The following PTBP3 variants were observed in gnomAD, a reference collection of about 807,000 sequenced individuals.
The protein encoded by PTBP3 is polypyrimidine tract binding protein 3.
PTBP3 carries 20 observed loss-of-function variants against 58.7 expected under a neutral mutation model. The observed-to-expected ratio is 0.34, with a 90% CI of 0.24 to 0.50. The LOEUF is 0.50. Ranked by LOEUF, PTBP3 falls within the 20% of genes least tolerant of loss-of-function variation. PTBP3 has a pLI of 0.98. For synonymous variants in PTBP3, 185 were observed against 219.8 expected (o/e 0.84, Z 1.40); for missense variants, 509 against 637.2 (o/e 0.80, Z 2.17).
chr9:112,267,854 A>G (rs1827165083), intron 4 of PTBP3, among the ~76,000 whole-genome samples, 195 bp downstream of exon 4: 1 of 152,206 alleles, frequency 6.6e-6, no homozygotes, highest in African/African-American at 2.4e-5. Context: ...TCAAGAGAAA[A>G]AATTAACTTC....
chr9:112,222,155 A>G lies in PTBP3; in HGVS notation c.*1696T>C. The G allele has an allele frequency of 1.0e-6, 1 of 985,830 alleles. No homozygotes were observed. The highest frequency in any genetic ancestry group is 1.2e-6 in the Non-Finnish European group (1 of 829,864). 61.1% of individuals were successfully genotyped at this position (985,830 alleles called of 1,614,324 possible). On this transcript the variant is annotated 3_prime_UTR_variant, in exon 14 of 14. Coordinates refer to ENST00000374257, the MANE Select transcript of PTBP3 (RefSeq NM_001163788.4). ...AGATGAGACACTTTGAGAATCTGAA[A>G]AGTGTAAAAGGGGTAGACAAAAAAA...
intron 1 of PTBP3, among the ~76,000 whole-genome samples, chr9:112,314,643 C>T (rs551117671): frequency 2.6e-5 from 4 of 152,088 alleles, no homozygotes; most frequent in Admixed American, 1.3e-4. Context: ...GGCTAGAGAG[C>T]GAGACCCTGT....
Position 112,220,692 on chromosome 9 carries a change from T to C in PTBP3, c.*3159A>G, listed in dbSNP as rs1834776521. 1.0e-6 allele frequency: 1 copy of C among 986,332 alleles called. No homozygotes were observed. The highest frequency in any genetic ancestry group is 1.2e-6 in the Non-Finnish European group (1 of 830,232). 61.1% of individuals were successfully genotyped at this position (986,332 alleles called of 1,614,324 possible). On this transcript the variant is annotated 3_prime_UTR_variant, in exon 14 of 14. Transcript: ENST00000374257. ...CAATTAAGATACTGGGTCATTTTTC[T>C]ATTTGTATGTTACACAAAACACATT...
chr9:112,345,379 A>AT, the PTBP3 span, among the ~76,000 whole-genome samples: 3 of 80,996 alleles, frequency 3.7e-5, no homozygotes, highest in South Asian at 6.1e-4. Context: ...AAGGAAAAAA[A>AT]ATTTTTTTTT....
At chr9:112,340,697 T>C in the PTBP3 span, among the ~76,000 whole-genome samples, 2 of 151,820 alleles carry the variant, frequency 1.3e-5, no homozygotes, top group Non-Finnish European at 2.9e-5. Context: ...AGCCTCAACA[T>C]GGAGAAACCC....
chr9:112,254,404 A>G (rs1836264110), intron 5 of PTBP3, among the ~76,000 whole-genome samples: 1 of 152,234 alleles, frequency 6.6e-6, no homozygotes, highest in African/African-American at 2.4e-5. Flanking sequence ...TGAAAAATAG[A>G]TAAACTGGAC....
At position 112,332,780 on chromosome 9, in the gene PTBP3, A is replaced by G. The variant is rs571681737; in HGVS notation, c.-52+690T>C. On this transcript the variant is annotated intron_variant, in intron 1 of 13. Coordinates refer to ENST00000374257, the MANE Select transcript of PTBP3 (RefSeq NM_001163788.4). The stretch of plus-strand genomic sequence containing the variant: ...AAATCGCTCGTACATCATATTTTAC[A>G]TACACGGGCAGATAATTCATTAAGT... The G allele has an allele frequency of 2.5e-5, 41 of 1,612,548 alleles. No individual in the cohort carries two copies. In the East Asian group the frequency reaches 8.2e-4, roughly 32 times the overall value.
chr9:112,220,211 G>A lies in PTBP3; in HGVS notation c.*3640C>T. ...AAAAATATCTCGTGGGAACAGAAGA[G>A]AAACTGCATGACAATATGCTAAACA... is the stretch of plus-strand genomic sequence containing the variant. On this transcript the variant is annotated 3_prime_UTR_variant, in exon 14 of 14. Transcript: ENST00000374257. 1 of 1,347,116 alleles carries A rather than the reference G, an allele frequency of 7.4e-7. No individual in the cohort carries two copies. Among genetic ancestry groups the A allele is most frequent in the Non-Finnish European group, 9.8e-7 (1 of 1,019,706 alleles). The allele number at this position is 1,347,116 out of a possible 1,614,324, so 83.4% of individuals were successfully genotyped here. A position where few individuals can be genotyped will look rare whatever the true frequency, so the allele number is the denominator to read the frequency against.
In PTBP3 at chr9:112,227,560, T is replaced by C. The variant is rs150766186; in HGVS notation, c.1215A>G (p.Gln405=). ...GTCCCTCTCGAGGAAGCTGTACTGC[T>C]TGATGTTTGGACAGTGTAGCACGAA... ...KVLRATLSKH[Q]AVQLPREGQE... Residue 405 remains glutamine (Q), a synonymous_variant, in exon 12 of 14, where the codon CAA becomes CAG. Coordinates refer to ENST00000374257, the MANE Select transcript of PTBP3 (RefSeq NM_001163788.4). The C allele has an allele frequency of 6.2e-7, 1 of 1,613,882 alleles. No individual in the cohort carries two copies. Among genetic ancestry groups the C allele is most frequent in the African/African-American group, 1.3e-5 (1 of 74,900 alleles).
chr9:112,275,815 C>G, intron 3 of PTBP3, 29 bp downstream of exon 3: 2 of 1,552,972 alleles, frequency 1.3e-6, no homozygotes, highest in Non-Finnish European at 1.8e-6. Context: ...GAGATAATCA[C>G]TCTTTGTCAA....
At chr9:112,266,569 A>T (rs1041161024) in intron 4 of PTBP3, among the ~76,000 whole-genome samples, 10 of 152,350 alleles carry the variant, frequency 6.6e-5, no homozygotes, top group Non-Finnish European at 1.2e-4. Context: ...TGGAATATAC[A>T]CTGGAAACAA....
chr9:112,315,298 A>C (rs932058473), intron 1 of PTBP3, among the ~76,000 whole-genome samples: 2 of 142,196 alleles, frequency 1.4e-5, no homozygotes, highest in Non-Finnish European at 3.0e-5. Context: ...AGTAAGCTTT[A>C]AAAAAAAAAA....
chr9:112,242,168 C>T (rs974414457), intron 7 of PTBP3, among the ~76,000 whole-genome samples: 6 of 151,982 alleles, frequency 3.9e-5, no homozygotes, highest in Non-Finnish European at 8.8e-5. Flanking sequence ...GACTGTGTTG[C>T]CCGAAATGGA....
chr9:112,227,966 T>C (rs1835055563), intron 11 of PTBP3, among the ~76,000 whole-genome samples: 1 of 152,214 alleles, frequency 6.6e-6, no homozygotes, highest in African/African-American at 2.4e-5. Flanking sequence ...TTTTGAGTAA[T>C]ACTTTACAGC....
the PTBP3 span, among the ~76,000 whole-genome samples, chr9:112,376,225 G>A: frequency 2.3e-5 from 3 of 131,178 alleles, 1 homozygote; most frequent in African/African-American, 9.0e-5. Flanking sequence ...GTGTGTGTGT[G>A]TGTGTGTGTG....
chr9:112,234,790 G>GTTGTATAT (rs1835377526), intron 8 of PTBP3, 30 bp downstream of exon 8: 1 of 1,568,370 alleles, frequency 6.4e-7, no homozygotes, highest in Admixed American at 1.7e-5. Context: ...TTCATTAAAA[G>GTTGTATAT]TCATTTCAAA....
chr9:112,333,061 C>A, intron 1 of PTBP3: 1 of 1,269,584 alleles, frequency 7.9e-7, no homozygotes, highest in Non-Finnish European at 9.9e-7. Flanking sequence ...CAGGAGGACG[C>A]CCGCCCCGCG....
chr9:112,335,488 G>A (rs1402413027), upstream of PTBP3, among the ~76,000 whole-genome samples: 8 of 150,986 alleles, frequency 5.3e-5, no homozygotes, highest in Non-Finnish European at 8.9e-5. Context: ...GTTTCACCAT[G>A]TTGGTCAGGC....
chr9:112,298,528 T>G (rs1377469209), intron 1 of PTBP3: 2 of 509,322 alleles, frequency 3.9e-6, no homozygotes, highest in Non-Finnish European at 7.8e-6. Context: ...CATTGTAATG[T>G]AAGATCTACC....
Sources: gnomAD v4.1 joint callset for allele counts (sites outside exome capture counted in the v4.1 genomes callset) on GRCh38, gnomAD v4.1.1 for gene constraint, MANE v1.5 for transcripts, NCBI Gene and HGNC (gene_info 2026-07-23, HGNC 2026-07-21) for gene names.